The following EXOC4 variants were observed in gnomAD, a reference collection of about 807,000 sequenced individuals.
EXOC4 encodes the protein exocyst complex component 4.
Under a neutral mutation model 107.2 loss-of-function variants are expected in EXOC4, and 71 were observed. The ratio of observed to expected loss-of-function variants is 0.66; its 90% CI spans 0.55 to 0.81. The LOEUF is 0.81. EXOC4 is among the 30% of genes least tolerant of loss of function. The pLI is 0.00. For synonymous variants in EXOC4, 456 were observed against 441.2 expected (o/e 1.03, Z -0.42); for missense variants, 1,108 against 1,189.6 (o/e 0.93, Z 1.01).
intron 11 of EXOC4, among the ~76,000 whole-genome samples, chr7:133,831,706 A>G (rs1041407451): frequency 2.0e-5 from 3 of 152,146 alleles, no homozygotes; most frequent in Admixed American, 1.3e-4. Flanking sequence ...TTGGAAAACA[A>G]GATCTGGAGT....
chr7:133,333,368 A>G (rs555266634), intron 5 of EXOC4, among the ~76,000 whole-genome samples: 1 of 152,170 alleles, frequency 6.6e-6, no homozygotes, highest in East Asian at 1.9e-4. Flanking sequence ...ACCACAAGAC[A>G]TTTCAGACTC....
At chr7:133,386,035 T>G (rs192919987) in intron 7 of EXOC4, among the ~76,000 whole-genome samples, 52 of 152,222 alleles carry the variant, frequency 3.4e-4, no homozygotes, top group African/African-American at 1.2e-3. Context: ...ATTTCAAGTT[T>G]TTTTTTTTTA....
rs114334500 is a variant in EXOC4, at chr7:133,540,919, C to T, written c.1417+60781C>T. 5.8e-3 allele frequency among the ~76,000 whole-genome samples: 882 copies of T among 152,140 alleles called. 8 individuals are homozygous for T. The highest frequency in any genetic ancestry group is 0.02 in the African/African-American group (840 of 41,516). On this transcript the variant is annotated intron_variant, in intron 9 of 17. Coordinates refer to ENST00000253861, the MANE Select transcript of EXOC4 (RefSeq NM_021807.4). ...TTTGGAATATTTTTACACAATGAAT[C>T]GAAGCACTTCTTGCTATTTCCCCTT...
chr7:133,632,315 G>A (rs1802610805), intron 10 of EXOC4, among the ~76,000 whole-genome samples: 1 of 152,102 alleles, frequency 6.6e-6, no homozygotes, highest in African/African-American at 2.4e-5. Flanking sequence ...ACCGGAAAAA[G>A]TTTGTTCCCT....
chr7:133,433,176 C>T, intron 7 of EXOC4, among the ~76,000 whole-genome samples: 1 of 152,162 alleles, frequency 6.6e-6, no homozygotes, highest in East Asian at 1.9e-4. Context: ...CAAATAACCT[C>T]TAGCAGCCTG....
chr7:133,941,782 G>A (rs1313667162), intron 14 of EXOC4, among the ~76,000 whole-genome samples: 1 of 147,598 alleles, frequency 6.8e-6, no homozygotes, highest in Non-Finnish European at 1.5e-5. Flanking sequence ...GGATCCAGAG[G>A]TTCCCAAAAT....
intron 10 of EXOC4, among the ~76,000 whole-genome samples, chr7:133,688,716 C>T (rs1032955633): frequency 6.6e-6 from 1 of 152,006 alleles, no homozygotes; most frequent in African/African-American, 2.4e-5. Flanking sequence ...AAGGCATAGC[C>T]CTGTCGTCTA....
intron 11 of EXOC4, among the ~76,000 whole-genome samples, chr7:133,886,835 G>C (rs1799096779): frequency 6.6e-6 from 1 of 152,146 alleles, no homozygotes; most frequent in Non-Finnish European, 1.5e-5. Flanking sequence ...ACATTTATCT[G>C]TCAGAGCCAC....
At chr7:133,753,420 T>C (rs995693693) in intron 10 of EXOC4, among the ~76,000 whole-genome samples, 6 of 152,166 alleles carry the variant, frequency 3.9e-5, no homozygotes, top group African/African-American at 1.4e-4. Context: ...GGGACTATAT[T>C]AACAAACATT....
intron 1 of EXOC4, among the ~76,000 whole-genome samples, chr7:133,262,891 C>T (rs1341972294): frequency 2.0e-5 from 3 of 152,138 alleles, no homozygotes; most frequent in Non-Finnish European, 4.4e-5. Context: ...ATTGTAGCTC[C>T]CATAATTTCC....
the EXOC4 span, among the ~76,000 whole-genome samples, chr7:134,096,414 TAGTC>T: frequency 5.3e-5 from 8 of 152,322 alleles, no homozygotes; most frequent in South Asian, 2.1e-4. Flanking sequence ...CCTTTTGTAT[TAGTC>T]AGCGTTCTTT....
chr7:133,837,537 A>C (rs1355702260), intron 11 of EXOC4, among the ~76,000 whole-genome samples: 1 of 152,150 alleles, frequency 6.6e-6, no homozygotes, highest in Non-Finnish European at 1.5e-5. Flanking sequence ...CTTTATCTTG[A>C]ATGCATTTTC....
At chr7:133,906,396 CG>C (rs1236704328) in intron 12 of EXOC4, among the ~76,000 whole-genome samples, 4 of 152,136 alleles carry the variant, frequency 2.6e-5, no homozygotes, top group Non-Finnish European at 5.9e-5. Context: ...CCTTTAAACA[CG>C]GGGGCTTGCA....
At chr7:133,929,597 G>A (rs1800131273) in intron 13 of EXOC4, among the ~76,000 whole-genome samples, 1 of 151,870 alleles carries the variant, frequency 6.6e-6, no homozygotes. Flanking sequence ...TAGATTCAGG[G>A]GTGTGTATGC....
chr7:133,499,401 A>G (rs927287640), intron 9 of EXOC4, among the ~76,000 whole-genome samples: 2 of 152,088 alleles, frequency 1.3e-5, no homozygotes, highest in Admixed American at 6.6e-5. Flanking sequence ...TTTCCCTTCA[A>G]GTTTAGAGCT....
At chr7:133,822,842 A>G (rs1294737800) in intron 11 of EXOC4, among the ~76,000 whole-genome samples, 3 of 152,234 alleles carry the variant, frequency 2.0e-5, no homozygotes, top group Non-Finnish European at 4.4e-5. Context: ...AGGAAACGGG[A>G]TCTAATGTTG....
At chr7:133,423,614 T>C (rs769729256) in intron 7 of EXOC4, among the ~76,000 whole-genome samples, 2 of 152,192 alleles carry the variant, frequency 1.3e-5, no homozygotes, top group Admixed American at 6.5e-5. Context: ...TTGGACATAA[T>C]AGTGAGAGGT....
In EXOC4 at chr7:133,317,355, A is replaced by G; in HGVS notation, c.728A>G (p.Asp243Gly). 6.2e-7 allele frequency: 1 copy of G among 1,612,582 alleles called. No individual in the cohort carries two copies. Among genetic ancestry groups the G allele is most frequent in the Non-Finnish European group, 8.5e-7 (1 of 1,178,660 alleles). ...TNLPTPRKFL[D>G]TSHYSTAGSS... is the part of the protein sequence containing the mutation. Reference sequence around the variant, plus strand: ...CTCCCTACTCCTCGAAAATTCCTTGATACCTCTCACTATTCTACTGCTGGA... The same window carrying G: ...CTCCCTACTCCTCGAAAATTCCTTGGTACCTCTCACTATTCTACTGCTGGA... Residue 243 changes from aspartate to glycine, a missense_variant, in exon 5 of 18, where the codon GAT becomes GGT. Physicochemically the swap from Asp to Gly is moderately conservative, Grantham distance 94 (BLOSUM62 -1). Transcript: ENST00000253861.
chr7:133,898,170 A>T (rs1272489150), intron 12 of EXOC4, among the ~76,000 whole-genome samples: 2 of 152,160 alleles, frequency 1.3e-5, no homozygotes, highest in African/African-American at 4.8e-5. Flanking sequence ...TAACAGTGTC[A>T]GTCTTTAGGG....
Sources: gnomAD v4.1 joint callset for allele counts (sites outside exome capture counted in the v4.1 genomes callset) on GRCh38, gnomAD v4.1.1 for gene constraint, MANE v1.5 for transcripts, NCBI Gene and HGNC (gene_info 2026-07-23, HGNC 2026-07-21) for gene names.